The following RABGAP1L variants were observed in gnomAD, a reference collection of about 807,000 sequenced individuals.
RABGAP1L encodes rab GTPase-activating protein 1-like.
RABGAP1L carries 63 observed loss-of-function variants against 137.7 expected under a neutral mutation model. The observed-to-expected ratio is 0.46, with a 90% CI of 0.37 to 0.56. The LOEUF (loss-of-function observed/expected upper bound fraction) is 0.56, where lower values mean the gene tolerates loss of function less well. Ranked by LOEUF, RABGAP1L falls within the 20% of genes least tolerant of loss-of-function variation. The probability of loss-of-function intolerance (pLI) is 0.00; values close to 1 mark genes in which losing one functional copy is unlikely to be tolerated. For synonymous variants in RABGAP1L, 431 were observed against 433.7 expected (o/e 0.99, Z 0.08); for missense variants, 1,095 against 1,244.0 (o/e 0.88, Z 1.80).
chr1:174,878,925 GTTT>G (rs869251284), intron 19 of RABGAP1L, among the ~76,000 whole-genome samples: 2 of 85,184 alleles, frequency 2.3e-5, no homozygotes, highest in Non-Finnish European at 4.3e-5. Flanking sequence ...TTTGTGCATT[GTTT>G]TTTTTTTTTT....
chr1:174,318,369 A>T (rs560106104), intron 11 of RABGAP1L, among the ~76,000 whole-genome samples: 1 of 152,240 alleles, frequency 6.6e-6, no homozygotes, highest in East Asian at 1.9e-4. Flanking sequence ...AGGTAAAGTG[A>T]GTCTCAGGTG....
intron 14 of RABGAP1L, among the ~76,000 whole-genome samples, chr1:174,645,967 A>G (rs1184465030): frequency 6.6e-6 from 1 of 152,048 alleles, no homozygotes; most frequent in Non-Finnish European, 1.5e-5. Context: ...AATTATAATG[A>G]GCTTTTTTTC....
intron 10 of RABGAP1L, among the ~76,000 whole-genome samples, chr1:174,288,610 C>G (rs1397584330): frequency 6.6e-6 from 1 of 152,170 alleles, no homozygotes; most frequent in Admixed American, 6.5e-5. Context: ...TGACAAGGTG[C>G]TTTTCTCCTG....
intron 12 of RABGAP1L, among the ~76,000 whole-genome samples, chr1:174,383,078 G>A (rs1266865492): frequency 6.7e-6 from 1 of 150,348 alleles, no homozygotes; most frequent in Non-Finnish European, 1.5e-5. Context: ...CCCTGCTGGG[G>A]GGTGCCTCCC....
intron 13 of RABGAP1L, among the ~76,000 whole-genome samples, chr1:174,525,547 C>T (rs1663802601): frequency 1.3e-5 from 2 of 151,982 alleles, no homozygotes; most frequent in Non-Finnish European, 2.9e-5. Context: ...TTGTTGGACT[C>T]TTTTAGTTTT....
intron 10 of RABGAP1L, among the ~76,000 whole-genome samples, 178 bp from the exon 11 acceptor site, chr1:174,304,808 T>C (rs572245239): frequency 1.3e-5 from 2 of 152,356 alleles, no homozygotes; most frequent in South Asian, 4.1e-4. Context: ...AACATAAATT[T>C]AGAATATCCT....
At chr1:174,489,530 C>G (rs1204616286) in intron 13 of RABGAP1L, among the ~76,000 whole-genome samples, 2 of 151,666 alleles carry the variant, frequency 1.3e-5, no homozygotes, top group Non-Finnish European at 2.9e-5. Context: ...CAGGAAACAA[C>G]AGGTGCTGGA....
At chr1:174,441,467 T>G (rs541912932) in intron 13 of RABGAP1L, among the ~76,000 whole-genome samples, 1 of 152,140 alleles carries the variant, frequency 6.6e-6, no homozygotes, top group African/African-American at 2.4e-5. Context: ...AGGTGTGGTG[T>G]CTCACGTCTG....
intron 20 of RABGAP1L, among the ~76,000 whole-genome samples, chr1:174,967,984 G>A (rs752199276): frequency 3.3e-5 from 5 of 150,552 alleles, no homozygotes; most frequent in East Asian, 1.9e-4. Flanking sequence ...ATCAAGGTGC[G>A]GTTTTGTCCT....
At chr1:174,228,917 G>T (rs182485759) in intron 3 of RABGAP1L, among the ~76,000 whole-genome samples, 6 of 152,176 alleles carry the variant, frequency 3.9e-5, no homozygotes, top group Non-Finnish European at 8.8e-5. Flanking sequence ...TTTAGGTAGG[G>T]GCATGAAGGG....
At chr1:174,526,964 T>C (rs187917926) in intron 13 of RABGAP1L, among the ~76,000 whole-genome samples, 59 of 152,254 alleles carry the variant, frequency 3.9e-4, no homozygotes, top group Middle Eastern at 3.4e-3. Flanking sequence ...GCATTTATTG[T>C]TTTATATATC....
At chr1:174,287,271 A>G (rs1311173836) in intron 10 of RABGAP1L, among the ~76,000 whole-genome samples, 1 of 152,188 alleles carries the variant, frequency 6.6e-6, no homozygotes, top group South Asian at 2.1e-4. Context: ...CCCCTCTGTC[A>G]TTATATAATG....
chr1:174,810,209 C>T (rs925335052), intron 18 of RABGAP1L, among the ~76,000 whole-genome samples: 1 of 152,144 alleles, frequency 6.6e-6, no homozygotes, highest in African/African-American at 2.4e-5. Flanking sequence ...TTGAGTGCCT[C>T]CTATATTCTG....
intron 13 of RABGAP1L, among the ~76,000 whole-genome samples, chr1:174,486,348 G>T (rs1572014847): frequency 7.2e-6 from 1 of 139,184 alleles, no homozygotes; most frequent in African/African-American, 2.6e-5. Context: ...TTTCTGCTCT[G>T]ATCTTTTTTT....
intron 12 of RABGAP1L, among the ~76,000 whole-genome samples, chr1:174,377,578 A>G (rs925316277): frequency 1.5e-4 from 23 of 152,286 alleles, no homozygotes; most frequent in Middle Eastern, 3.4e-3. Flanking sequence ...GAAGACATAC[A>G]AATGGCCAAG....
chr1:174,700,449 C>T (rs1192303324), intron 16 of RABGAP1L: 3 of 152,032 alleles, frequency 2.0e-5, no homozygotes, highest in Non-Finnish European at 4.4e-5. Flanking sequence ...GAAGGAGGTT[C>T]GTGGAATGTG....
chr1:174,557,801 G>A (rs1359020725), intron 13 of RABGAP1L, among the ~76,000 whole-genome samples: 1 of 152,150 alleles, frequency 6.6e-6, no homozygotes, highest in Non-Finnish European at 1.5e-5. Flanking sequence ...ATATACATTG[G>A]AAAAGAACAA....
At chr1:174,395,099 T>C (rs1034739297) in intron 13 of RABGAP1L, among the ~76,000 whole-genome samples, 2 of 152,176 alleles carry the variant, frequency 1.3e-5, no homozygotes, top group African/African-American at 4.8e-5. Flanking sequence ...TAAGCTGTAC[T>C]AATATTTGGT....
At chr1:174,608,726 T>C (rs919176217) in intron 13 of RABGAP1L, among the ~76,000 whole-genome samples, 3 of 152,176 alleles carry the variant, frequency 2.0e-5, no homozygotes, top group African/African-American at 7.2e-5. Context: ...CAGATGGATT[T>C]GAATGGTATA....
Sources: gnomAD v4.1 joint callset for allele counts (sites outside exome capture counted in the v4.1 genomes callset) on GRCh38, gnomAD v4.1.1 for gene constraint, MANE v1.5 for transcripts, NCBI Gene and HGNC (gene_info 2026-07-23, HGNC 2026-07-21) for gene names.